The following CACNA1C variants were observed in gnomAD, a reference collection of about 807,000 sequenced individuals.
The protein encoded by CACNA1C is voltage-dependent L-type calcium channel subunit alpha-1C.
In CACNA1C, 30 loss-of-function variants were observed where a neutral mutation model predicts 229.0. The ratio of observed to expected loss-of-function variants is 0.13; its 90% CI spans 0.10 to 0.18. The LOEUF (loss-of-function observed/expected upper bound fraction) is 0.18, where lower values mean the gene tolerates loss of function less well. Ranked by LOEUF, CACNA1C falls within the 10% of genes least tolerant of loss-of-function variation. The probability of loss-of-function intolerance (pLI) is 1.00; values close to 1 mark genes in which losing one functional copy is unlikely to be tolerated. For synonymous variants in CACNA1C, 1,114 were observed against 1,132.5 expected, an observed-to-expected ratio of 0.98 and a Z score of 0.33; for missense variants, 1,658 against 2,845.0, an observed-to-expected ratio of 0.58 and a Z score of 9.49.
intron 1 of CACNA1C, among the ~76,000 whole-genome samples, chr12:2,106,197 C>T (rs2078434022): frequency 3.7e-5 from 2 of 53,618 alleles, no homozygotes; most frequent in African/African-American, 5.8e-5. Flanking sequence ...AGCTGGGCGT[C>T]CTGAAGCCAC....
chr12:2,453,970 C>T (rs2099400488), intron 4 of CACNA1C, among the ~76,000 whole-genome samples: 1 of 152,172 alleles, frequency 6.6e-6, no homozygotes, highest in African/African-American at 2.4e-5. Context: ...CAGCAGGCAG[C>T]CACTTCCTCT....
intron 3 of CACNA1C, among the ~76,000 whole-genome samples, chr12:2,156,807 C>G (rs2095576303): frequency 6.6e-6 from 1 of 152,220 alleles, no homozygotes; most frequent in Admixed American, 6.5e-5. Flanking sequence ...GTCCATTTCT[C>G]CCCCAGCAGC....
intron 1 of CACNA1C, among the ~76,000 whole-genome samples, chr12:1,972,601 G>A (rs187683870): frequency 3.9e-5 from 6 of 152,306 alleles, no homozygotes; most frequent in South Asian, 2.1e-4. Context: ...GGTTAAATAA[G>A]CTAGCCAAAG....
intron 3 of CACNA1C, among the ~76,000 whole-genome samples, chr12:2,445,932 C>A (rs1041536915): frequency 3.3e-5 from 5 of 152,092 alleles, no homozygotes; most frequent in African/African-American, 9.7e-5. Context: ...GGCTCATTAT[C>A]TAGACAACCC....
At chr12:2,016,112 T>G (rs750432941) in intron 1 of CACNA1C, among the ~76,000 whole-genome samples, 8 of 152,196 alleles carry the variant, frequency 5.3e-5, no homozygotes, top group Non-Finnish European at 1.0e-4. Context: ...ATAATTACCT[T>G]TATTCAAAAA....
At chr12:2,047,402 A>G (rs1209127224) in intron 1 of CACNA1C, among the ~76,000 whole-genome samples, 1 of 152,208 alleles carries the variant, frequency 6.6e-6, no homozygotes, top group Non-Finnish European at 1.5e-5. Flanking sequence ...TACCATTATT[A>G]GCTTCATATT....
intron 1 of CACNA1C, among the ~76,000 whole-genome samples, chr12:2,109,028 G>T (rs990207612): frequency 6.6e-6 from 1 of 152,234 alleles, no homozygotes; most frequent in Admixed American, 6.5e-5. Flanking sequence ...ACTTTAGGGA[G>T]AAATTTATTT....
At chr12:2,443,341 A>G (rs899765277) in intron 3 of CACNA1C, among the ~76,000 whole-genome samples, 7 of 152,238 alleles carry the variant, frequency 4.6e-5, no homozygotes, top group African/African-American at 7.2e-5. Context: ...ATGATCTGCT[A>G]TGATTCCGTG....
rs2092864419 is a variant in CACNA1C, at chr12:2,287,448, G to A, written c.478-161528G>A. Among the ~76,000 whole-genome samples the A allele has an allele frequency of 6.6e-6, 1 of 152,164 alleles. No homozygotes were observed. Among genetic ancestry groups the A allele is most frequent in the Admixed American group, 6.5e-5 (1 of 15,280 alleles). On this transcript the variant is annotated intron_variant, in intron 3 of 46. Transcript: ENST00000399655. The surrounding 1 kb of genome is among the most constrained non-coding windows in gnomAD (Gnocchi z 4.6). ...GTTCCGTGGCTGTTTAGGAAGGTTG[G>A]GTCAGTGGAGATCAGGGCCCGAAGA... is the stretch of plus-strand genomic sequence containing the variant.
At chr12:2,522,589 G>A (rs971517160) in intron 9 of CACNA1C, among the ~76,000 whole-genome samples, 2 of 152,118 alleles carry the variant, frequency 1.3e-5, no homozygotes, top group Non-Finnish European at 2.9e-5. Context: ...GCCGGGAGTC[G>A]ACAGAACAGG....
At chr12:2,501,556 G>A (rs949268350) in intron 7 of CACNA1C, among the ~76,000 whole-genome samples, 9 of 152,246 alleles carry the variant, frequency 5.9e-5, no homozygotes, top group African/African-American at 2.2e-4. Context: ...GGTTCCCATC[G>A]TCAAATGGGA....
rs150744510 is a variant in CACNA1C, at chr12:2,076,928, C to T, written c.49+23317C>T. Among the ~76,000 whole-genome samples the T allele has an allele frequency of 2.2e-4, 33 of 152,330 alleles. No individual in the cohort carries two copies. The East Asian group carries it at 6.0e-3, about 28-fold the overall frequency. Reference sequence around the variant, plus strand: ...ATTGAGACATGGAACATGAACCAGCCACCCCTGGAATCCAGGAGAGGGCTG... The same window carrying T: ...ATTGAGACATGGAACATGAACCAGCTACCCCTGGAATCCAGGAGAGGGCTG... On this transcript the variant is annotated intron_variant, in intron 1 of 46. Coordinates refer to ENST00000399655, the MANE Select transcript of CACNA1C (RefSeq NM_000719.7).
At chr12:2,519,981 T>G (rs1358530268) in intron 9 of CACNA1C, among the ~76,000 whole-genome samples, 1 of 152,256 alleles carries the variant, frequency 6.6e-6, no homozygotes, top group African/African-American at 2.4e-5. Context: ...CAGTGCGAAG[T>G]AGGCACGTCA....
chr12:2,683,263 C>A (rs2097268625), intron 43 of CACNA1C, among the ~76,000 whole-genome samples: 1 of 152,180 alleles, frequency 6.6e-6, no homozygotes, highest in Non-Finnish European at 1.5e-5. Flanking sequence ...CAGAAACTAT[C>A]AGAATGCGTC....
chr12:2,664,729 G>C, intron 34 of CACNA1C, 96 bp from the exon 35 acceptor site: 1 of 991,298 alleles, frequency 1.0e-6, no homozygotes. Context: ...ACTCCCTCTG[G>C]GGAAGGAGGA....
chr12:2,643,829 C>T (rs2094024913), intron 30 of CACNA1C, among the ~76,000 whole-genome samples: 1 of 152,164 alleles, frequency 6.6e-6, no homozygotes, highest in Non-Finnish European at 1.5e-5. Flanking sequence ...CCAGCCTGAC[C>T]ACCTCCTCCC....
chr12:2,520,769 G>A (rs12426052), intron 9 of CACNA1C, among the ~76,000 whole-genome samples: 24,567 of 131,018 alleles, frequency 0.19, 283 homozygotes, highest in Middle Eastern at 0.25. Flanking sequence ...ACCAATGGCC[G>A]TGTGCTTCAT....
chr12:2,471,572 G>A (rs530905211), intron 5 of CACNA1C, among the ~76,000 whole-genome samples: 7 of 152,108 alleles, frequency 4.6e-5, no homozygotes, highest in South Asian at 4.2e-4. Context: ...CTCTTTTGAC[G>A]AATATTTTTG....
rs147654243 is a variant in CACNA1C, at chr12:2,092,647, A to G, written c.50-22577A>G. Among the ~76,000 whole-genome samples the G allele has an allele frequency of 7.0e-3, 1,061 of 152,312 alleles. 5 individuals are homozygous for G. Among genetic ancestry groups the G allele is most frequent in the Middle Eastern group, 0.027 (8 of 294 alleles). ...AGGGTGACTCTTGGGTCCTTGTGTC[A>G]TTCTTCATCACTTCCAACTCAAGGG... On this transcript the variant is annotated intron_variant, in intron 1 of 46. Transcript: ENST00000399655.
Sources: allele counts gnomAD v4.1 joint callset (sites outside exome capture counted in the v4.1 genomes callset), GRCh38; gene constraint gnomAD v4.1.1; non-coding constraint Gnocchi (gnomAD v3.1); transcripts MANE v1.5; gene names NCBI Gene and HGNC (gene_info 2026-07-23, HGNC 2026-07-21).